The following POU2F1 variants were observed in gnomAD, a reference collection of about 807,000 sequenced individuals.
POU2F1 encodes POU domain, class 2, transcription factor 1.
POU2F1 carries 16 observed loss-of-function variants against 84.9 expected under a neutral mutation model. That is an observed-to-expected ratio of 0.19 (90% CI 0.13 to 0.29). POU2F1 has a LOEUF of 0.29. POU2F1 is among the 10% of genes least tolerant of loss of function. POU2F1 has a pLI of 1.00. For synonymous variants in POU2F1, 368 were observed against 368.3 expected, an observed-to-expected ratio of 1.00 and a Z score of 0.01; for missense variants, 738 against 942.6, an observed-to-expected ratio of 0.78 and a Z score of 2.84.
chr1:167,267,167 G>GAT (rs1652024861), intron 1 of POU2F1, among the ~76,000 whole-genome samples: 1 of 149,840 alleles, frequency 6.7e-6, no homozygotes, highest in South Asian at 2.1e-4. Context: ...AATGTGTACT[G>GAT]ATATAAAAAG....
chr1:167,305,130 A>G (rs1356760225), intron 1 of POU2F1, among the ~76,000 whole-genome samples: 2 of 152,094 alleles, frequency 1.3e-5, no homozygotes, highest in Non-Finnish European at 2.9e-5. Flanking sequence ...CAGGAATCTC[A>G]TTAAATTACT....
In POU2F1 at chr1:167,412,127, C is replaced by A. The variant is rs1341865352; in HGVS notation, c.1724C>A (p.Pro575His). ...ETSTTQTTST[P>H]LSSPLGTSQV... is the part of the protein sequence containing the mutation. Reference sequence around the variant, plus strand: ...AGCACAACACAGACCACCTCCACTCCTTTGTCCTCCCCTCTTGGGACCAGC... The same window carrying A: ...AGCACAACACAGACCACCTCCACTCATTTGTCCTCCCCTCTTGGGACCAGC... The change falls in exon 14 of 16, where the codon CCT becomes CAT. Residue 575 changes from proline to histidine, a missense_variant. By Grantham distance (77) the Pro-to-His change is moderately conservative (BLOSUM62 -2). Coordinates refer to ENST00000367866, the MANE Select transcript of POU2F1 (RefSeq NM_002697.4). 2 of 1,614,200 alleles carry A rather than the reference C, an allele frequency of 1.2e-6. No individual in the cohort carries two copies. The highest frequency in any genetic ancestry group is 1.7e-5 in the Admixed American group (1 of 60,034).
chr1:167,382,518 AT>A (rs1159345478), intron 7 of POU2F1, among the ~76,000 whole-genome samples: 2 of 152,148 alleles, frequency 1.3e-5, no homozygotes, highest in Non-Finnish European at 2.9e-5. Context: ...GGCTGCATAG[AT>A]TTTGTTCTAA....
chr1:167,239,216 A>G (rs1252320052), intron 1 of POU2F1, among the ~76,000 whole-genome samples: 3 of 152,170 alleles, frequency 2.0e-5, no homozygotes, highest in Non-Finnish European at 4.4e-5. Context: ...GTGACATACC[A>G]TTTGTCAACT....
Position 167,427,311 on chromosome 1 carries a change from C to T in POU2F1, c.*11501C>T, listed in dbSNP as rs536344010. 5 of 152,232 alleles carry T rather than the reference C, an allele frequency of 3.3e-5. No homozygotes were observed. Among genetic ancestry groups the T allele is most frequent in the Non-Finnish European group, 7.4e-5 (5 of 68,014 alleles). 9.4% of individuals were successfully genotyped at this position (152,232 alleles called of 1,614,324 possible). On this transcript the variant is annotated 3_prime_UTR_variant, in exon 16 of 16. Transcript: ENST00000367866. ...TGTACAGTTCATTTCTGTTGTAAAA[C>T]ATCATTAAACCATCTTCCAAGTGTT...
At chr1:167,290,282 A>T (rs1278964198) in intron 1 of POU2F1, among the ~76,000 whole-genome samples, 1 of 152,026 alleles carries the variant, frequency 6.6e-6, no homozygotes, top group Non-Finnish European at 1.5e-5. Context: ...CTATAGTCCC[A>T]TGTACTTGGG....
At chr1:167,368,289 C>G (rs1193855685) in intron 3 of POU2F1, among the ~76,000 whole-genome samples, 2 of 150,226 alleles carry the variant, frequency 1.3e-5, no homozygotes, top group African/African-American at 4.9e-5. Flanking sequence ...CGGCTGAACC[C>G]AAGTTATGCA....
intron 1 of POU2F1, among the ~76,000 whole-genome samples, chr1:167,311,203 A>G (rs1655445216): frequency 6.6e-6 from 1 of 152,210 alleles, no homozygotes; most frequent in African/African-American, 2.4e-5. Flanking sequence ...AAAACTTTAT[A>G]TAAACTGGAG....
intron 1 of POU2F1, among the ~76,000 whole-genome samples, chr1:167,254,924 A>C (rs939009174): frequency 2.6e-5 from 4 of 152,126 alleles, no homozygotes; most frequent in African/African-American, 9.7e-5. Flanking sequence ...TTGTTTTTCT[A>C]CTGCCAGGAA....
At chr1:167,333,849 C>G (rs1657239816) in intron 2 of POU2F1, among the ~76,000 whole-genome samples, 1 of 152,126 alleles carries the variant, frequency 6.6e-6, no homozygotes, top group South Asian at 2.1e-4. Context: ...AGCACTGGTT[C>G]CTATGCCAGT....
intron 2 of POU2F1, among the ~76,000 whole-genome samples, chr1:167,362,054 C>T (rs893624084): frequency 6.6e-6 from 1 of 152,126 alleles, no homozygotes; most frequent in African/African-American, 2.4e-5. Flanking sequence ...GTACCTACCT[C>T]CACATTTCTA....
At chr1:167,367,725 A>G (rs1659772083) in intron 3 of POU2F1, among the ~76,000 whole-genome samples, 1 of 152,140 alleles carries the variant, frequency 6.6e-6, no homozygotes, top group East Asian at 1.9e-4. Flanking sequence ...GTGTATATGT[A>G]TGTATGTACA....
chr1:167,281,563 T>G (rs1467949761), intron 1 of POU2F1, among the ~76,000 whole-genome samples: 2 of 151,818 alleles, frequency 1.3e-5, no homozygotes, highest in Admixed American at 1.3e-4. Flanking sequence ...AAAATGGGAG[T>G]GAGGTACAGA....
At chr1:167,255,990 G>A (rs981074262) in intron 1 of POU2F1, among the ~76,000 whole-genome samples, 2 of 152,156 alleles carry the variant, frequency 1.3e-5, no homozygotes, top group South Asian at 2.1e-4. Context: ...CTTTTAGTCC[G>A]TGCTTACGGG....
At chr1:167,368,767 T>A (rs576074328) in intron 3 of POU2F1, among the ~76,000 whole-genome samples, 1 of 152,322 alleles carries the variant, frequency 6.6e-6, no homozygotes, top group South Asian at 2.1e-4. Flanking sequence ...ACTAGCAGTT[T>A]CAAATAAAGG....
At chr1:167,354,716 A>C (rs1381224976) in intron 2 of POU2F1, among the ~76,000 whole-genome samples, 1 of 152,172 alleles carries the variant, frequency 6.6e-6, no homozygotes, top group Non-Finnish European at 1.5e-5. Flanking sequence ...TTGCAATTTT[A>C]GCCAATTTAT....
chr1:167,234,460 G>T (rs1649303062), intron 1 of POU2F1, among the ~76,000 whole-genome samples: 1 of 152,138 alleles, frequency 6.6e-6, no homozygotes, highest in Admixed American at 6.5e-5. Context: ...GGGTAGGTTT[G>T]GTGGCTTATG....
intron 1 of POU2F1, among the ~76,000 whole-genome samples, chr1:167,255,421 C>T (rs1250753262): frequency 6.6e-6 from 1 of 152,092 alleles, no homozygotes; most frequent in Non-Finnish European, 1.5e-5. Flanking sequence ...AAACAGCTTA[C>T]AGCATTTTGG....
intron 1 of POU2F1, among the ~76,000 whole-genome samples, chr1:167,319,731 A>G (rs1656175849): frequency 6.6e-6 from 1 of 151,878 alleles, no homozygotes; most frequent in Admixed American, 6.6e-5. Flanking sequence ...ACAAAGTGAG[A>G]AAATGTATCT....
Sources: allele counts gnomAD v4.1 joint callset (sites outside exome capture counted in the v4.1 genomes callset), GRCh38; gene constraint gnomAD v4.1.1; transcripts MANE v1.5; gene names NCBI Gene and HGNC (gene_info 2026-07-23, HGNC 2026-07-21).